Variants in NEDD4L observed in about 807,000 individuals in gnomAD.
NEDD4L encodes E3 ubiquitin-protein ligase NEDD4-like.
NEDD4L carries 54 observed loss-of-function variants against 148.9 expected under a neutral mutation model. The observed-to-expected ratio is 0.36, with a 90% CI of 0.29 to 0.45. The LOEUF (loss-of-function observed/expected upper bound fraction) is 0.45. Among genes scored for constraint, NEDD4L ranks in the 20% least tolerant of loss-of-function variants. The pLI, the probability that NEDD4L is intolerant of heterozygous loss-of-function variation, is 1.00. For synonymous variants in NEDD4L, 433 were observed against 440.7 expected, an observed-to-expected ratio of 0.98 and a Z score of 0.22; for missense variants, 856 against 1,233.8, an observed-to-expected ratio of 0.69 and a Z score of 4.59.
chr18:58,167,450 T>G (rs1325533114), intron 2 of NEDD4L, among the ~76,000 whole-genome samples: 1 of 152,218 alleles, frequency 6.6e-6, no homozygotes, highest in Admixed American at 6.5e-5. Context: ...AAAGCCCACC[T>G]TATGCCCTGC....
intron 1 of NEDD4L, among the ~76,000 whole-genome samples, chr18:58,095,505 C>G (rs1299631712): frequency 8.1e-6 from 1 of 124,002 alleles, no homozygotes; most frequent in Non-Finnish European, 1.7e-5. Context: ...GAAGATGGGA[C>G]TGGAATGCAG....
chr18:58,344,691 G>A (rs2042828628), intron 16 of NEDD4L, among the ~76,000 whole-genome samples: 1 of 151,706 alleles, frequency 6.6e-6, no homozygotes, highest in East Asian at 1.9e-4. Context: ...GAGACGGGCA[G>A]CTCGTTGGAA....
intron 1 of NEDD4L, among the ~76,000 whole-genome samples, chr18:58,066,068 T>A (rs1250489317): frequency 3.9e-5 from 6 of 152,228 alleles, no homozygotes; most frequent in Non-Finnish European, 7.3e-5. Flanking sequence ...GGAAGGAAAC[T>A]TGGTAGATTA....
intron 5 of NEDD4L, among the ~76,000 whole-genome samples, chr18:58,266,161 G>GA (rs1485468515): frequency 2.6e-5 from 4 of 151,894 alleles, no homozygotes; most frequent in Admixed American, 6.6e-5. Context: ...ATAACCATTT[G>GA]AAAAAATTAT....
At chr18:58,335,705 G>A (rs1568743803) in intron 13 of NEDD4L, 168 bp downstream of exon 13, 2 of 588,936 alleles carry the variant, frequency 3.4e-6, no homozygotes, top group Non-Finnish European at 6.1e-6. Flanking sequence ...TTGTTTAAAG[G>A]TACTGGGTAA....
chr18:58,220,965 A>G (rs1032706829), intron 2 of NEDD4L, among the ~76,000 whole-genome samples: 3 of 152,140 alleles, frequency 2.0e-5, no homozygotes, highest in Non-Finnish European at 4.4e-5. Flanking sequence ...AGGGCACACA[A>G]CTGGGATCTG....
At position 58,115,798 on chromosome 18, in the gene NEDD4L, T is replaced by C. The variant is rs73442606; in HGVS notation, c.49-49990T>C. On this transcript the variant is annotated intron_variant, in intron 1 of 30. Coordinates refer to ENST00000400345, the MANE Select transcript of NEDD4L (RefSeq NM_001144967.3). ...CGGAATATTATTAATACAGAGTTAGTTTTAACTTCACCTTTTGGGCAAACT... is the reference window on the plus strand; with the variant it reads ...CGGAATATTATTAATACAGAGTTAGCTTTAACTTCACCTTTTGGGCAAACT... Among the ~76,000 whole-genome samples the C allele has an allele frequency of 3.0e-3, 464 of 152,304 alleles. 4 individuals carry two copies. The highest frequency in any genetic ancestry group is 0.011 in the African/African-American group (437 of 41,576).
chr18:58,116,018 G>A (rs564496648), intron 1 of NEDD4L, among the ~76,000 whole-genome samples: 104 of 152,214 alleles, frequency 6.8e-4, no homozygotes, highest in Middle Eastern at 6.8e-3. Context: ...GACCAAACCC[G>A]GTACAGCCAA....
At chr18:58,232,796 C>G (rs949223223) in intron 2 of NEDD4L, among the ~76,000 whole-genome samples, 1 of 152,104 alleles carries the variant, frequency 6.6e-6, no homozygotes, top group African/African-American at 2.4e-5. Flanking sequence ...GATAAACTCT[C>G]TAAACATTTA....
intron 15 of NEDD4L, 137 bp from the exon 16 acceptor site, chr18:58,342,769 G>A (rs572651334): frequency 3.3e-6 from 2 of 610,768 alleles, no homozygotes; most frequent in East Asian, 6.1e-5. Context: ...AAAAGTAAAT[G>A]AATGACAGAA....
At chr18:58,232,913 A>C (rs1257933217) in intron 2 of NEDD4L, among the ~76,000 whole-genome samples, 4 of 152,178 alleles carry the variant, frequency 2.6e-5, no homozygotes. Context: ...CTGCAGGCTG[A>C]ACGTGGTTGG....
intron 2 of NEDD4L, among the ~76,000 whole-genome samples, chr18:58,214,565 G>A (rs2042939102): frequency 6.7e-6 from 1 of 150,136 alleles, no homozygotes; most frequent in South Asian, 2.1e-4. Flanking sequence ...TTAGAACAGT[G>A]CTGTCATATA....
intron 3 of NEDD4L, among the ~76,000 whole-genome samples, chr18:58,246,999 A>G (rs745631559): frequency 5.4e-4 from 82 of 152,198 alleles, no homozygotes; most frequent in Admixed American, 2.0e-3. Flanking sequence ...TAATGATGCC[A>G]CTGCACTCCA....
At chr18:58,097,113 A>G (rs1428377630) in intron 1 of NEDD4L, among the ~76,000 whole-genome samples, 1 of 152,242 alleles carries the variant, frequency 6.6e-6, no homozygotes, top group Non-Finnish European at 1.5e-5. Context: ...AAAAGAAAAA[A>G]AAAAGTGAAT....
intron 11 of NEDD4L, among the ~76,000 whole-genome samples, chr18:58,333,273 A>G (rs933359075): frequency 6.7e-6 from 1 of 148,618 alleles, no homozygotes; most frequent in South Asian, 2.1e-4. Flanking sequence ...ACAAGACTCT[A>G]TATTTAAAAA....
chr18:58,095,582 C>T (rs558475491), intron 1 of NEDD4L, among the ~76,000 whole-genome samples: 18 of 152,276 alleles, frequency 1.2e-4, no homozygotes, highest in African/African-American at 4.3e-4. Context: ...AAGCTGTGGC[C>T]GCCTTGGTTG....
At chr18:58,305,040 A>G (rs1342752964) in intron 5 of NEDD4L, among the ~76,000 whole-genome samples, 2 of 152,188 alleles carry the variant, frequency 1.3e-5, no homozygotes, top group Non-Finnish European at 2.9e-5. Flanking sequence ...GGTTCCAAAC[A>G]GGGGCAGCCA....
intron 5 of NEDD4L, among the ~76,000 whole-genome samples, chr18:58,278,859 A>T (rs1173303783): frequency 5.3e-5 from 8 of 152,124 alleles, no homozygotes; most frequent in African/African-American, 1.7e-4. Flanking sequence ...TTGACTGATT[A>T]TACTTTTATT....
intron 1 of NEDD4L, among the ~76,000 whole-genome samples, chr18:58,133,675 A>G (rs1188929092): frequency 6.6e-6 from 1 of 152,184 alleles, no homozygotes; most frequent in East Asian, 1.9e-4. Context: ...TGGCTTATGC[A>G]CACATCATGA....
Sources: allele counts gnomAD v4.1 joint callset (sites outside exome capture counted in the v4.1 genomes callset), GRCh38; gene constraint gnomAD v4.1.1; transcripts MANE v1.5; gene names NCBI Gene and HGNC (gene_info 2026-07-23, HGNC 2026-07-21).